AGL: variants seen among roughly 807,000 people sequenced by gnomAD.
AGL encodes the protein amylo-alpha-1,6-glucosidase and 4-alpha-glucanotransferase, also known as glycogen debranching enzyme.
Under a neutral mutation model 199.3 loss-of-function variants are expected in AGL, and 128 were observed. The ratio of observed to expected loss-of-function variants is 0.64; its 90% CI spans 0.56 to 0.74. The LOEUF is 0.74. AGL is among the 30% of genes least tolerant of loss of function. The probability of loss-of-function intolerance (pLI) is 0.00; values close to 1 mark genes in which losing one functional copy is unlikely to be tolerated. For missense variants in AGL, 1,809 were observed against 1,820.8 expected, an observed-to-expected ratio of 0.99 and a Z score of 0.12; for synonymous variants, 584 against 594.7, an observed-to-expected ratio of 0.98 and a Z score of 0.26.
chr1:99,864,560 G>A lies in AGL; in HGVS notation c.635G>A (p.Cys212Tyr). Residue 212 changes from cysteine (C) to tyrosine (Y), a missense_variant, in exon 5 of 34, where the codon TGT becomes TAT. Coordinates refer to ENST00000361915, the MANE Select transcript of AGL (RefSeq NM_000642.3). ...TTAAAAAAGGAATGGAATGTTATTT[G>A]TATTACTGATGTTGTCTACAATCAT... is the stretch of plus-strand genomic sequence containing the variant. ...EKLKKEWNVI[C>Y]ITDVVYNHTA... 6.2e-7 allele frequency: 1 copy of A among 1,613,726 alleles called. No homozygotes were observed. Among genetic ancestry groups the A allele is most frequent in the Non-Finnish European group, 8.5e-7 (1 of 1,179,826 alleles).
In AGL at chr1:99,877,646, G is replaced by C. The variant is rs371406517; in HGVS notation, c.1429G>C (p.Glu477Gln). Residue 477 changes from glutamate to glutamine, a missense_variant, in exon 12 of 34, where the codon GAA becomes CAA. Physicochemically the swap from Glu to Gln is conservative, Grantham distance 29 (BLOSUM62 2). Coordinates refer to ENST00000361915, the MANE Select transcript of AGL (RefSeq NM_000642.3). ...PLRNFAEPGS[E>Q]VYLRRELICW... ...GCAATCTCTTTTCTGAACAGGTTCA[G>C]AAGTTTACCTAAGGAGAGAACTTAT... 1.4e-5 allele frequency: 22 copies of C among 1,613,826 alleles called. No homozygotes were observed. The highest frequency in any genetic ancestry group is 1.6e-4 in the Middle Eastern group (1 of 6,080).
chr1:99,919,797 C>T (rs1157676456), intron 33 of AGL, among the ~76,000 whole-genome samples: 1 of 152,196 alleles, frequency 6.6e-6, no homozygotes, highest in African/African-American at 2.4e-5. Flanking sequence ...CAGCTTGGGC[C>T]TGCTACCCCA....
At chr1:99,916,519 T>C (rs779695340) in intron 32 of AGL, 22 bp downstream of exon 32, 1 of 1,605,818 alleles carries the variant, frequency 6.2e-7, no homozygotes, top group Admixed American at 1.7e-5. Flanking sequence ...ATTTATCTTC[T>C]GAGTTTCAGT....
At chr1:99,915,209 C>G (rs1393833638) in intron 30 of AGL, among the ~76,000 whole-genome samples, 180 bp from the exon 31 acceptor site, 1 of 152,136 alleles carries the variant, frequency 6.6e-6, no homozygotes, top group Non-Finnish European at 1.5e-5. Flanking sequence ...CTTCTACGGC[C>G]AAAAACAGTC....
At chr1:99,851,277 T>G (rs1293777410) in intron 2 of AGL, among the ~76,000 whole-genome samples, 153 bp downstream of exon 2, 1 of 152,254 alleles carries the variant, frequency 6.6e-6, no homozygotes. Context: ...GTTCTCCATA[T>G]ATCACTAATT....
intron 7 of AGL, among the ~76,000 whole-genome samples, chr1:99,873,232 T>C (rs1340915043): frequency 6.6e-6 from 1 of 152,152 alleles, no homozygotes; most frequent in Admixed American, 6.6e-5. Flanking sequence ...TTTAAAATTA[T>C]ATTGAGTTGA....
chr1:99,888,082 C>A lies in AGL; in HGVS notation c.2786C>A (p.Ser929Ter). ...GGGTGCTATGACATACCAAACTGGT[C>A]AGCCCTTAAATATGCAGGTCTTCAA... ...GGGCYDIPNW[S>*]ALKYAGLQGL... The change falls in exon 21 of 34, where the codon TCA (serine) becomes TAA (stop). Residue 929 changes from serine to a stop codon, truncating the protein, a stop_gained. Coordinates refer to ENST00000361915, the MANE Select transcript of AGL (RefSeq NM_000642.3). LOFTEE classifies it high-confidence loss of function. 2 of 1,613,278 alleles carry A rather than the reference C, an allele frequency of 1.2e-6. No individual in the cohort carries two copies. The highest frequency in any genetic ancestry group is 2.2e-5 in the South Asian group (2 of 91,034).
chr1:99,915,894 T>G (rs951795692), intron 31 of AGL, among the ~76,000 whole-genome samples: 1 of 152,218 alleles, frequency 6.6e-6, no homozygotes, highest in Non-Finnish European at 1.5e-5. Flanking sequence ...ATAAGTTCCA[T>G]GTATTACAAT....
chr1:99,906,733 A>G (rs1444265356), intron 27 of AGL, among the ~76,000 whole-genome samples: 1 of 152,224 alleles, frequency 6.6e-6, no homozygotes, highest in Admixed American at 6.5e-5. Flanking sequence ...AAGGCTGCAT[A>G]ATATTCCATT....
intron 2 of AGL, among the ~76,000 whole-genome samples, chr1:99,857,064 G>C (rs1409093316): frequency 6.6e-6 from 1 of 150,688 alleles, no homozygotes; most frequent in East Asian, 2.0e-4. Flanking sequence ...TGGCCGGGCA[G>C]GGGGCTGACC....
At chr1:99,917,373 A>T (rs891502347) in intron 33 of AGL, among the ~76,000 whole-genome samples, 1 of 152,132 alleles carries the variant, frequency 6.6e-6, no homozygotes, top group Non-Finnish European at 1.5e-5. Flanking sequence ...GTTTCATATT[A>T]ATAGAGCCAC....
rs749096703 is a variant in AGL, at chr1:99,881,070, T to C, written c.1900-6T>C. 1.7e-5 allele frequency: 28 copies of C among 1,611,920 alleles called. No homozygotes were observed. Among genetic ancestry groups the C allele is most frequent in the Non-Finnish European group, 2.4e-5 (28 of 1,178,226 alleles). ...AAACTTTTGCTTTGTTGTTGTTGTC[T>C]TCTAGCATAGATCAGCGTATGATGC... On this transcript the variant is annotated splice_region_variant and splice_polypyrimidine_tract_variant and intron_variant, in intron 14 of 33. Coordinates refer to ENST00000361915, the MANE Select transcript of AGL (RefSeq NM_000642.3).
In AGL at chr1:99,874,688, A is replaced by C. The variant is rs1258825425; in HGVS notation, c.960A>C (p.Glu320Asp). 1.2e-6 allele frequency: 2 copies of C among 1,610,646 alleles called. No individual in the cohort carries two copies. Among genetic ancestry groups the C allele is most frequent in the Non-Finnish European group, 1.7e-6 (2 of 1,177,178 alleles). The change falls in exon 8 of 34, where the codon GAA becomes GAC. Residue 320 changes from glutamate (E) to aspartate (D), a missense_variant and splice_region_variant. Physicochemically the swap from Glu to Asp is conservative, Grantham distance 45. Transcript: ENST00000361915. The stretch of plus-strand genomic sequence containing the variant: ...GGTATCGTCTTTTCTTTCTTTTAGA[A>C]AATAGGCGAGTAACCAAGTCTGATC... ...VEQFRRLLTQ[E>D]NRRVTKSDPN...
At chr1:99,862,229 A>G (rs761207841) in intron 3 of AGL, 28 bp from the exon 4 acceptor site, 58 of 1,613,160 alleles carry the variant, frequency 3.6e-5, no homozygotes, top group African/African-American at 5.3e-5. Context: ...CACTGACTGA[A>G]AAGTTTTTGT....
Position 99,877,670 on chromosome 1 carries a change from A to T in AGL, c.1453A>T (p.Ile485Phe). The T allele has an allele frequency of 6.2e-7, 1 of 1,613,976 alleles. No homozygotes were observed. The highest frequency in any genetic ancestry group is 2.2e-5 in the East Asian group (1 of 44,848). ...GSEVYLRREL[I>F]CWGDSVKLRY... Reference sequence around the variant, plus strand: ...AGAAGTTTACCTAAGGAGAGAACTTATTTGCTGGGGAGACAGTGTTAAATT... The same window carrying T: ...AGAAGTTTACCTAAGGAGAGAACTTTTTTGCTGGGGAGACAGTGTTAAATT... The change falls in exon 12 of 34, where the codon ATT becomes TTT. Residue 485 changes from isoleucine (I) to phenylalanine (F), a missense_variant. Ile to Phe is a conservative substitution (Grantham distance 21). Transcript: ENST00000361915.
At chr1:99,851,726 G>T (rs1332736139) in intron 2 of AGL, among the ~76,000 whole-genome samples, 2 of 152,060 alleles carry the variant, frequency 1.3e-5, no homozygotes, top group Non-Finnish European at 2.9e-5. Context: ...TTTTCTACAA[G>T]GCTAGTTAAT....
intron 2 of AGL, among the ~76,000 whole-genome samples, chr1:99,856,491 GA>G (rs1649475354): frequency 6.7e-6 from 1 of 148,414 alleles, no homozygotes; most frequent in South Asian, 2.1e-4. Context: ...GTTTCTCGCA[GA>G]GGGGGATTTG....
In AGL at chr1:99,900,711, C is replaced by T; in HGVS notation, c.3438C>T (p.Ala1146=). 6.2e-7 allele frequency: 1 copy of T among 1,613,996 alleles called. No homozygotes were observed. The highest frequency in any genetic ancestry group is 2.2e-5 in the East Asian group (1 of 44,858). The stretch of plus-strand genomic sequence containing the variant: ...ATCTACTGGGTGAAGGAATTTATGC[C>T]AGATACAATTGTCGGGATGCTGTGT... ...IPNLLGEGIY[A]RYNCRDAVWW... Residue 1146 remains alanine (A), a synonymous_variant, in exon 26 of 34, where the codon GCC becomes GCT. Transcript: ENST00000361915.
intron 11 of AGL, among the ~76,000 whole-genome samples, chr1:99,877,112 T>C (rs929064876): frequency 1.3e-5 from 2 of 152,188 alleles, no homozygotes; most frequent in Non-Finnish European, 2.9e-5. Context: ...ATTTATTTTT[T>C]AACATTTCGA....
Sources: gnomAD v4.1 joint callset for allele counts (sites outside exome capture counted in the v4.1 genomes callset) on GRCh38, gnomAD v4.1.1 for gene constraint, MANE v1.5 for transcripts, NCBI Gene and HGNC (gene_info 2026-07-23, HGNC 2026-07-21) for gene names.